ARHGAP1: variants seen among roughly 807,000 people sequenced by gnomAD.
ARHGAP1 encodes rho GTPase-activating protein 1.
Under a neutral mutation model 52.2 loss-of-function variants are expected in ARHGAP1, and 23 were observed. The observed-to-expected ratio is 0.44, with a 90% CI of 0.32 to 0.62. The LOEUF (loss-of-function observed/expected upper bound fraction) is 0.62, where lower values mean the gene tolerates loss of function less well. Among genes scored for constraint, ARHGAP1 ranks in the 20% least tolerant of loss-of-function variants. The probability of loss-of-function intolerance (pLI) is 0.05; values close to 1 mark genes in which losing one functional copy is unlikely to be tolerated. For missense variants in ARHGAP1, 480 were observed against 560.9 expected, an observed-to-expected ratio of 0.86 and a Z score of 1.46; for synonymous variants, 210 against 228.4, an observed-to-expected ratio of 0.92 and a Z score of 0.73.
At chr11:46,689,468 C>T (rs1280436321) in intron 3 of ARHGAP1, among the ~76,000 whole-genome samples, 11 of 152,106 alleles carry the variant, frequency 7.2e-5, no homozygotes, top group Non-Finnish European at 1.3e-4. Flanking sequence ...ACATTATGCA[C>T]TAAATATTAT....
intron 4 of ARHGAP1, among the ~76,000 whole-genome samples, chr11:46,684,435 C>T (rs758108235): frequency 2.6e-5 from 4 of 151,708 alleles, no homozygotes; most frequent in Admixed American, 6.6e-5. Flanking sequence ...CTGAGATGAA[C>T]GAAAACATTT....
In ARHGAP1 at chr11:46,681,100, G is replaced by C. The variant is rs760327719; in HGVS notation, c.546C>G (p.Phe182Leu). ...ILFKPLISFK[F>L]GQKIFYVNYL... ...AATTCACATAGAAGATCTTCTGCCC[G>C]AACTTGAAGCTGTTGGTGGAAGAAA... The change falls in exon 7 of 13, where the codon TTC becomes TTG. Residue 182 changes from phenylalanine (F) to leucine (L), a missense_variant. Transcript: ENST00000311956. The surrounding 1 kb of genome is among the most constrained non-coding windows in gnomAD (Gnocchi z 5.7). 1.9e-6 allele frequency: 3 copies of C among 1,614,142 alleles called. No homozygotes were observed. The highest frequency in any genetic ancestry group is 2.5e-6 in the Non-Finnish European group (3 of 1,180,004).
At chr11:46,686,742 T>G (rs536612041) in intron 4 of ARHGAP1, 1 of 152,180 alleles carries the variant, frequency 6.6e-6, no homozygotes, top group South Asian at 2.1e-4. Context: ...TCTTTTTTTT[T>G]TTTTGAGACG....
In ARHGAP1 at chr11:46,689,069, G is replaced by A. The variant is rs1426245260; in HGVS notation, c.230-809C>T. On this transcript the variant is annotated intron_variant, in intron 3 of 12. Coordinates refer to ENST00000311956, the MANE Select transcript of ARHGAP1 (RefSeq NM_004308.5). ...ACTGTACTCCAGCCTGGGTGACAGA[G>A]CAAGAGTGTCTCAAAAAAAAAAAAA... Among the ~76,000 whole-genome samples the A allele has an allele frequency of 2.1e-5, 3 of 145,178 alleles. No homozygotes were observed. The Admixed American group carries it at 2.1e-4, about 10-fold the overall frequency.
At chr11:46,683,365 A>G (rs1172853313) in intron 4 of ARHGAP1, among the ~76,000 whole-genome samples, 1 of 151,924 alleles carries the variant, frequency 6.6e-6, no homozygotes, top group Admixed American at 6.6e-5. Flanking sequence ...ATTCTTGACC[A>G]TGGGACAGCT....
In ARHGAP1 at chr11:46,681,040, C is replaced by T. The variant is rs980707056; in HGVS notation, c.606G>A (p.Glu202=). Residue 202 remains glutamate, a synonymous_variant, in exon 7 of 13, where the codon GAG becomes GAA. Transcript: ENST00000311956. This position sits in a 1 kb window ranked among gnomAD's most constrained non-coding sequence, Gnocchi z 5.7. ...GCACTTGGCGAGGGATCCCCAGCTG[C>T]TCCAGCTTCACGTGCTCGCTCAGCT... The part of the protein sequence containing the change: ...LSELSEHVKL[E]QLGIPRQVLK... 5.0e-6 allele frequency: 8 copies of T among 1,614,110 alleles called. No homozygotes were observed. The highest frequency in any genetic ancestry group is 6.8e-6 in the Non-Finnish European group (8 of 1,180,054).
At chr11:46,700,038 C>T (rs1394877457) in intron 1 of ARHGAP1, among the ~76,000 whole-genome samples, 1 of 151,948 alleles carries the variant, frequency 6.6e-6, no homozygotes, top group Non-Finnish European at 1.5e-5. Context: ...GGCGTGGTGG[C>T]GGACGCCTGT....
intron 4 of ARHGAP1, among the ~76,000 whole-genome samples, chr11:46,683,462 A>G (rs1232916917): frequency 4.6e-5 from 7 of 152,132 alleles, no homozygotes; most frequent in Non-Finnish European, 1.0e-4. Context: ...CACCTGCTCC[A>G]GTCACTGGGC....
rs1172212701 is a variant in ARHGAP1, at chr11:46,679,727, G to C, written c.948C>G (p.Val316=). Residue 316 remains valine (V), a synonymous_variant, in exon 11 of 13, where the codon GTC becomes GTG. Transcript: ENST00000311956. This position sits in a 1 kb window ranked among gnomAD's most constrained non-coding sequence, Gnocchi z 4.4. ...DQYNELHLPA[V]ILKTFLRELP... ...GCTCCCGGAGGAAGGTCTTGAGGATGACTGCTGGCAGGTGCAGCTCATTGT... is the reference window on the plus strand; with the variant it reads ...GCTCCCGGAGGAAGGTCTTGAGGATCACTGCTGGCAGGTGCAGCTCATTGT... The C allele has an allele frequency of 6.2e-7, 1 of 1,614,078 alleles. No individual in the cohort carries two copies. The highest frequency in any genetic ancestry group is 8.5e-7 in the Non-Finnish European group (1 of 1,180,008).
rs775340226 is a variant in ARHGAP1 at position 46,681,244 on chromosome 11, C to G, written c.536+49G>C. 3.2e-6 allele frequency: 5 copies of G among 1,574,594 alleles called. No individual in the cohort carries two copies. The South Asian group carries it at 5.5e-5, about 17-fold the overall frequency. ...CCCAGGCTGCCCAGCCTCCCAGCTT[C>G]AGAGTTCCAGGCAAGCCGGGACCAC... On this transcript the variant is annotated intron_variant, in intron 6 of 12. Transcript: ENST00000311956. The surrounding 1 kb of genome is among the most constrained non-coding windows in gnomAD (Gnocchi z 5.7).
chr11:46,684,802 A>C (rs1039626852), intron 4 of ARHGAP1, among the ~76,000 whole-genome samples: 1 of 152,172 alleles, frequency 6.6e-6, no homozygotes, highest in Non-Finnish European at 1.5e-5. Context: ...AAGATACAAA[A>C]CCAGGCTGGG....
intron 4 of ARHGAP1, 75 bp downstream of exon 4, chr11:46,688,098 A>G (rs2064584908): frequency 7.0e-7 from 1 of 1,434,430 alleles, no homozygotes; most frequent in Admixed American, 1.9e-5. Context: ...GCAGGGAGGG[A>G]CAGTAAAGAA....
chr11:46,695,964 C>A lies in ARHGAP1; in HGVS notation c.133+11G>T. The A allele has an allele frequency of 6.2e-7, 1 of 1,614,208 alleles. No individual in the cohort carries two copies. Among genetic ancestry groups the A allele is most frequent in the Non-Finnish European group, 8.5e-7 (1 of 1,180,026 alleles). ...GCGCCTGTAGCTGCCTGAGACCAGACACAAGCCCACCTGACTTGGGGAAGT... is the reference window on the plus strand; with the variant it reads ...GCGCCTGTAGCTGCCTGAGACCAGAAACAAGCCCACCTGACTTGGGGAAGT... On this transcript the variant is annotated intron_variant, in intron 2 of 12. Transcript: ENST00000311956.
chr11:46,693,156 C>T (rs532522677), intron 3 of ARHGAP1, among the ~76,000 whole-genome samples: 2 of 151,804 alleles, frequency 1.3e-5, no homozygotes, highest in Non-Finnish European at 2.9e-5. Context: ...CTGGCCTTAA[C>T]CCCAGCTAAT....
chr11:46,690,397 A>G (rs1213734924), intron 3 of ARHGAP1, among the ~76,000 whole-genome samples: 2 of 151,068 alleles, frequency 1.3e-5, no homozygotes, highest in African/African-American at 4.9e-5. Context: ...AAAAAAAAAA[A>G]GACAAAATTA....
chr11:46,679,239 C>G lies in ARHGAP1; in HGVS notation c.1132-14G>C, dbSNP rs1374099200. 5.0e-6 allele frequency: 8 copies of G among 1,593,026 alleles called. No individual in the cohort carries two copies. The highest frequency in any genetic ancestry group is 6.9e-6 in the Non-Finnish European group (8 of 1,167,642). ...GTGTGCAGAAATCTGTGGAGGGAAT[C>G]AGGGACTGCAGCAGGAAGCCACAGA... On this transcript the variant is annotated splice_polypyrimidine_tract_variant and intron_variant, in intron 12 of 12. Coordinates refer to ENST00000311956, the MANE Select transcript of ARHGAP1 (RefSeq NM_004308.5). This position sits in a 1 kb window ranked among gnomAD's most constrained non-coding sequence, Gnocchi z 4.4.
intron 3 of ARHGAP1, among the ~76,000 whole-genome samples, chr11:46,694,763 C>T (rs906371043): frequency 3.9e-5 from 6 of 152,202 alleles, no homozygotes; most frequent in Non-Finnish European, 7.3e-5. Context: ...TCAGGGCAGG[C>T]GCCAAGAATA....
chr11:46,695,554 G>T, intron 3 of ARHGAP1, 106 bp downstream of exon 3: 9 of 1,220,716 alleles, frequency 7.4e-6, no homozygotes, highest in Non-Finnish European at 1.1e-5. Context: ...GGAGCACCAG[G>T]GCCAGCGGTC....
chr11:46,688,161 G>A lies in ARHGAP1; in HGVS notation c.317+12C>T. ...GGGCAAAGCCCCAACACACTTCCCA[G>A]CAGGTACTCACCCCAGGAGCTTGCT... On this transcript the variant is annotated intron_variant, in intron 4 of 12. Coordinates refer to ENST00000311956, the MANE Select transcript of ARHGAP1 (RefSeq NM_004308.5). 6.2e-7 allele frequency: 1 copy of A among 1,611,168 alleles called. No homozygotes were observed. The highest frequency in any genetic ancestry group is 8.5e-7 in the Non-Finnish European group (1 of 1,178,056).
Sources: gnomAD v4.1 joint callset for allele counts (sites outside exome capture counted in the v4.1 genomes callset) on GRCh38, gnomAD v4.1.1 for gene constraint, Gnocchi (gnomAD v3.1) non-coding constraint, MANE v1.5 for transcripts, NCBI Gene and HGNC (gene_info 2026-07-23, HGNC 2026-07-21) for gene names.